The following CPSF3 variants were observed in gnomAD, a reference collection of about 807,000 sequenced individuals.
CPSF3 encodes cleavage and polyadenylation specificity factor subunit 3.
CPSF3 carries 57 observed loss-of-function variants against 84.1 expected under a neutral mutation model. That is an observed-to-expected ratio of 0.68 (90% CI 0.55 to 0.85). CPSF3 has a LOEUF of 0.85. CPSF3 is among the 40% of genes least tolerant of loss of function. CPSF3 has a pLI of 0.00. For missense variants in CPSF3, 522 were observed against 838.8 expected (o/e 0.62, Z 4.66); for synonymous variants, 275 against 278.1 (o/e 0.99, Z 0.11).
chr2:9,425,916 A>G (rs561802699), intron 1 of CPSF3, among the ~76,000 whole-genome samples: 5 of 152,276 alleles, frequency 3.3e-5, no homozygotes, highest in African/African-American at 1.2e-4. Flanking sequence ...GACAATCCCC[A>G]CTACCTCTCC....
chr2:9,443,095 C>T (rs867082100), intron 9 of CPSF3, among the ~76,000 whole-genome samples: 2 of 151,946 alleles, frequency 1.3e-5, no homozygotes, highest in African/African-American at 2.4e-5. Flanking sequence ...CCCAGGAGGT[C>T]GAGGCTGCAG....
At chr2:9,439,628 A>T (rs562161883) in intron 7 of CPSF3, among the ~76,000 whole-genome samples, 1 of 152,310 alleles carries the variant, frequency 6.6e-6, no homozygotes, top group African/African-American at 2.4e-5. Context: ...CCCTTAACAT[A>T]AGTCTTTTGA....
At chr2:9,459,491 C>A in intron 14 of CPSF3, 40 bp from the exon 15 acceptor site, 2 of 1,370,694 alleles carry the variant, frequency 1.5e-6, no homozygotes, top group Non-Finnish European at 2.1e-6. Context: ...GTTGGTCACC[C>A]TAGGTAGGTC....
At chr2:9,467,858 G>A (rs1342782026) in intron 16 of CPSF3, 82 bp downstream of exon 16, 2 of 1,107,632 alleles carry the variant, frequency 1.8e-6, no homozygotes, top group Non-Finnish European at 2.7e-6. Context: ...ACTCCTTCAA[G>A]GACTGGGGCG....
In CPSF3 at chr2:9,457,147, ATGTGTGTGTGTGTGTG is replaced by A. The variant is rs70948817; in HGVS notation, c.1698+149_1698+164del. ...GAAAAAGAATATTGTTGGAAAGTAT[ATGTGTGTGTGTGTGTG>A]TGTGTGTGTGTGTGTGTGTGTGTGT... On this transcript the variant is annotated intron_variant, in intron 14 of 17. Coordinates refer to ENST00000238112, the MANE Select transcript of CPSF3 (RefSeq NM_016207.4). The A allele has an allele frequency of 2.3e-3, 770 of 333,976 alleles. 5 individuals carry two copies. The East Asian group carries it at 0.03, about 13-fold the overall frequency. 20.7% of individuals were successfully genotyped at this position (333,976 alleles called of 1,614,324 possible).
rs1453627961 is a variant in CPSF3 at position 9,443,670 on chromosome 2, A to G, written c.1242+9A>G. The G allele has an allele frequency of 5.6e-6, 9 of 1,612,236 alleles. No homozygotes were observed. Among genetic ancestry groups the G allele is most frequent in the African/African-American group, 4.0e-5 (3 of 74,704 alleles). Reference sequence around the variant, plus strand: ...TGAAACCGCCTCATGTGGTTAGTCTATGAATTTCATTTATTGTATTAAAGG... The same window carrying G: ...TGAAACCGCCTCATGTGGTTAGTCTGTGAATTTCATTTATTGTATTAAAGG... On this transcript the variant is annotated intron_variant, in intron 10 of 17. Transcript: ENST00000238112.
In CPSF3 at chr2:9,427,202, G is replaced by A. The variant is rs150512572; in HGVS notation, c.51-1563G>A. On this transcript the variant is annotated intron_variant, in intron 1 of 17. Coordinates refer to ENST00000238112, the MANE Select transcript of CPSF3 (RefSeq NM_016207.4). Reference sequence around the variant, plus strand: ...AGGGAGGGAGTACGTAGAGTAGAATGGTGGAAAGTTTCATTGTGGAAAGAG... The same window carrying A: ...AGGGAGGGAGTACGTAGAGTAGAATAGTGGAAAGTTTCATTGTGGAAAGAG... Among the ~76,000 whole-genome samples, 1,017 of 152,316 alleles carry A rather than the reference G, an allele frequency of 6.7e-3. 15 individuals carry two copies. The highest frequency in any genetic ancestry group is 0.022 in the African/African-American group (912 of 41,566).
At chr2:9,457,125 A>T (rs1190495060) in intron 14 of CPSF3, 98 bp downstream of exon 14, 1 of 661,226 alleles carries the variant, frequency 1.5e-6, no homozygotes. Context: ...CCAATTAGAA[A>T]AAGAATATTG....
intron 2 of CPSF3, among the ~76,000 whole-genome samples, chr2:9,429,425 C>T (rs1680499366): frequency 6.6e-6 from 1 of 152,190 alleles, no homozygotes; most frequent in Non-Finnish European, 1.5e-5. Flanking sequence ...TCCTTTTAGT[C>T]ATCTGTTTTG....
Position 9,452,898 on chromosome 2 carries a change from A to ATTT in CPSF3, c.1396-7_1396-5dup. 7.4e-7 allele frequency: 1 copy of ATTT among 1,357,962 alleles called. No individual in the cohort carries two copies. 84.1% of individuals were successfully genotyped at this position (1,357,962 alleles called of 1,614,324 possible). A position where few individuals can be genotyped will look rare whatever the true frequency, so the allele number is the denominator to read the frequency against. ...TTACCAGGTTCTATTTTCTTCAAGT[A>ATTT]TTTTTTTTTTACAGGTTATGGGATT... is the stretch of plus-strand genomic sequence containing the variant. On this transcript the variant is annotated splice_polypyrimidine_tract_variant and intron_variant, in intron 11 of 17. Transcript: ENST00000238112.
At position 9,473,012 on chromosome 2, in the gene CPSF3, C is replaced by T; in HGVS notation, c.2050C>T (p.His684Tyr). 1 of 1,609,980 alleles carries T rather than the reference C, an allele frequency of 6.2e-7. No individual in the cohort carries two copies. Among genetic ancestry groups the T allele is most frequent in the Non-Finnish European group, 8.5e-7 (1 of 1,176,600 alleles). Reference protein sequence around the residue: ...QRLYEALTPVH With the variant: ...QRLYEALTPVY ...ACTGTACGAGGCCCTGACGCCAGTTCACTGAGACTGTGCCTGTATATGAAC... is the reference window on the plus strand; with the variant it reads ...ACTGTACGAGGCCCTGACGCCAGTTTACTGAGACTGTGCCTGTATATGAAC... Residue 684 changes from histidine to tyrosine, a missense_variant, in exon 18 of 18, where the codon CAC becomes TAC. Physicochemically the swap from His to Tyr is moderately conservative, Grantham distance 83. This residue lies in a region of CPSF3 where 193 missense variants were observed against 231.6 expected (regional missense o/e 0.83). Coordinates refer to ENST00000238112, the MANE Select transcript of CPSF3 (RefSeq NM_016207.4).
Position 9,459,523 on chromosome 2 carries a change from C to T in CPSF3, c.1699-8C>T, listed in dbSNP as rs1323419187. Reference sequence around the variant, plus strand: ...GGTCACTTCCTAATTCTGCCTTTTGCTTTCCAGTGGCTGGCAAACCCTTCT... The same window carrying T: ...GGTCACTTCCTAATTCTGCCTTTTGTTTTCCAGTGGCTGGCAAACCCTTCT... On this transcript the variant is annotated splice_polypyrimidine_tract_variant and splice_region_variant and intron_variant, in intron 14 of 17. Transcript: ENST00000238112. The T allele has an allele frequency of 1.9e-6, 3 of 1,606,108 alleles. No individual in the cohort carries two copies. The highest frequency in any genetic ancestry group is 2.6e-6 in the Non-Finnish European group (3 of 1,173,880).
intron 11 of CPSF3, among the ~76,000 whole-genome samples, chr2:9,451,678 A>G (rs916327255): frequency 1.3e-5 from 2 of 151,936 alleles, no homozygotes; most frequent in African/African-American, 2.4e-5. Flanking sequence ...AGCCTGGGTG[A>G]CAGAGCAAGA....
intron 13 of CPSF3, 122 bp from the exon 14 acceptor site, chr2:9,456,811 A>G (rs1292763297): frequency 1.8e-6 from 1 of 549,906 alleles, no homozygotes; most frequent in Non-Finnish European, 3.2e-6. Flanking sequence ...GACTATACAA[A>G]TGAGTTACTA....
intron 2 of CPSF3, among the ~76,000 whole-genome samples, chr2:9,429,596 A>T (rs1036767058): frequency 1.3e-5 from 2 of 152,186 alleles, no homozygotes; most frequent in Non-Finnish European, 2.9e-5. Context: ...TAGTAAATCT[A>T]TAAACTTTTA....
At chr2:9,459,895 G>A (rs113308398) in intron 15 of CPSF3, among the ~76,000 whole-genome samples, 12,433 of 151,756 alleles carry the variant, frequency 0.082, 716 homozygotes, top group Non-Finnish European at 0.12. Context: ...TGATCCGCCC[G>A]CCTCAGCCTT....
chr2:9,465,669 T>A (rs1322570514), intron 15 of CPSF3, among the ~76,000 whole-genome samples: 1 of 152,162 alleles, frequency 6.6e-6, no homozygotes, highest in African/African-American at 2.4e-5. Context: ...GATTTTCACA[T>A]TTGGGCCAGC....
chr2:9,465,278 T>C (rs1681861720), intron 15 of CPSF3, among the ~76,000 whole-genome samples: 1 of 152,118 alleles, frequency 6.6e-6, no homozygotes, highest in African/African-American at 2.4e-5. Context: ...TTGAAGTCTC[T>C]TTGAAATGAC....
intron 11 of CPSF3, among the ~76,000 whole-genome samples, chr2:9,450,841 C>T (rs937180408): frequency 2.6e-5 from 4 of 152,040 alleles, no homozygotes; most frequent in East Asian, 3.9e-4. Context: ...AACCTGCAGA[C>T]GCTAATGAAT....
Sources: gnomAD v4.1 joint callset for allele counts (sites outside exome capture counted in the v4.1 genomes callset) on GRCh38, gnomAD v4.1.1 for gene constraint, gnomAD v4.1.1 regional missense constraint, MANE v1.5 for transcripts, NCBI Gene and HGNC (gene_info 2026-07-23, HGNC 2026-07-21) for gene names.